The following AFF3 variants were observed in gnomAD, a reference collection of about 807,000 sequenced individuals.
AFF3 encodes ALF transcription elongation factor 3.
In AFF3, 32 loss-of-function variants were observed where a neutral mutation model predicts 129.7. The ratio of observed to expected loss-of-function variants is 0.25; its 90% CI spans 0.19 to 0.33. The LOEUF is 0.33. AFF3 is among the 10% of genes least tolerant of loss of function. AFF3 has a pLI of 1.00. For missense variants in AFF3, 1,373 were observed against 1,592.0 expected (o/e 0.86, Z 2.34); for synonymous variants, 644 against 635.4 (o/e 1.01, Z -0.20).
intron 7 of AFF3, among the ~76,000 whole-genome samples, chr2:99,992,664 G>C (rs956344211): frequency 8.5e-5 from 13 of 152,192 alleles, no homozygotes; most frequent in Non-Finnish European, 1.6e-4. Flanking sequence ...TAACTGAAAA[G>C]CAATTCCACA....
At chr2:100,021,047 T>G (rs1327339986) in intron 4 of AFF3, among the ~76,000 whole-genome samples, 1 of 152,184 alleles carries the variant, frequency 6.6e-6, no homozygotes, top group Non-Finnish European at 1.5e-5. Flanking sequence ...ACACCTCTGC[T>G]GTCCACCTGC....
At chr2:99,732,297 G>A (rs1209416577) in intron 10 of AFF3, among the ~76,000 whole-genome samples, 2 of 149,818 alleles carry the variant, frequency 1.3e-5, no homozygotes, top group Non-Finnish European at 3.0e-5. Context: ...GCAGTGAGCC[G>A]AGATTGTGCC....
chr2:99,997,716 G>A (rs1348043106), intron 7 of AFF3, among the ~76,000 whole-genome samples: 2 of 152,154 alleles, frequency 1.3e-5, no homozygotes, highest in Non-Finnish European at 2.9e-5. Context: ...CCCATCCCAT[G>A]TACACCACTG....
At chr2:99,688,765 C>T (rs1044330466) in intron 11 of AFF3, among the ~76,000 whole-genome samples, 21 of 152,118 alleles carry the variant, frequency 1.4e-4, no homozygotes, top group Admixed American at 1.3e-4. Flanking sequence ...AGTGCCACCC[C>T]CTCAGGCCAC....
chr2:99,800,583 A>G (rs1025964453), intron 8 of AFF3, among the ~76,000 whole-genome samples: 6 of 152,206 alleles, frequency 3.9e-5, no homozygotes, highest in African/African-American at 1.4e-4. Context: ...CAGAGAAGAG[A>G]AAGCACAAAG....
chr2:99,814,120 G>GA (rs559986523), intron 8 of AFF3, among the ~76,000 whole-genome samples: 1 of 152,140 alleles, frequency 6.6e-6, no homozygotes, highest in Non-Finnish European at 1.5e-5. Context: ...TTTCTTGGGG[G>GA]AAAGTTGCTG....
At chr2:100,008,130 C>A (rs943641562) in intron 5 of AFF3, among the ~76,000 whole-genome samples, 1 of 152,118 alleles carries the variant, frequency 6.6e-6, no homozygotes, top group Admixed American at 6.6e-5. Context: ...ATTGTAGTCC[C>A]GTTAGAAGCT....
chr2:99,822,594 ATCTC>A (rs1251986719), intron 8 of AFF3, among the ~76,000 whole-genome samples: 1 of 152,024 alleles, frequency 6.6e-6, no homozygotes, highest in Middle Eastern at 3.2e-3. Flanking sequence ...TTCTTAACAA[ATCTC>A]TCTTTGTGTT....
At chr2:99,856,211 G>C (rs894995727) in intron 7 of AFF3, among the ~76,000 whole-genome samples, 2 of 152,012 alleles carry the variant, frequency 1.3e-5, no homozygotes, top group Non-Finnish European at 1.5e-5. Flanking sequence ...TAATAATAAT[G>C]TATCAATATT....
rs1164483264 is a variant in AFF3, at chr2:100,037,479, T to G, written c.54-28547A>C. ...TTATATATAAATATATATTTATATT[T>G]TATATATTATTTATATATAAATATA... On this transcript the variant is annotated intron_variant, in intron 4 of 24. Coordinates refer to ENST00000672756, the MANE Select transcript of AFF3 (RefSeq NM_001386135.1). Among the ~76,000 whole-genome samples, 78 of 99,700 alleles carry G rather than the reference T, an allele frequency of 7.8e-4. 18 individuals carry two copies. The highest frequency in any genetic ancestry group is 3.1e-3 in the African/African-American group (77 of 25,146). The allele number at this position is 99,700 out of a possible 152,430, so 65.4% of individuals were successfully genotyped here. A position where few individuals can be genotyped will look rare whatever the true frequency, so the allele number is the denominator to read the frequency against.
intron 10 of AFF3, among the ~76,000 whole-genome samples, chr2:99,729,363 T>A (rs763129679): frequency 6.6e-6 from 1 of 152,178 alleles, no homozygotes; most frequent in Admixed American, 6.5e-5. Flanking sequence ...ACTTATGTTG[T>A]GGCAACAGGG....
At chr2:99,929,273 G>A (rs1696502662) in intron 7 of AFF3, among the ~76,000 whole-genome samples, 1 of 152,086 alleles carries the variant, frequency 6.6e-6, no homozygotes, top group South Asian at 2.1e-4. Flanking sequence ...GTTGTGGTGT[G>A]CCAAGACTGC....
At chr2:99,808,304 G>C (rs961630833) in intron 8 of AFF3, among the ~76,000 whole-genome samples, 12 of 152,160 alleles carry the variant, frequency 7.9e-5, no homozygotes, top group African/African-American at 2.9e-4. Flanking sequence ...CCATACTTTA[G>C]GAAAAGGTAT....
chr2:99,560,784 G>A (rs1559478077), intron 20 of AFF3, among the ~76,000 whole-genome samples: 1 of 152,174 alleles, frequency 6.6e-6, no homozygotes, highest in Non-Finnish European at 1.5e-5. Context: ...TCTGACAGAT[G>A]GAGGTGAAGT....
chr2:100,142,004 C>G (rs755827049), intron 1 of AFF3, among the ~76,000 whole-genome samples: 1 of 152,140 alleles, frequency 6.6e-6, no homozygotes, highest in Non-Finnish European at 1.5e-5. Flanking sequence ...GGTGGAACTG[C>G]CCATGATCTC....
At chr2:100,011,398 T>C (rs1682534715) in intron 4 of AFF3, 1 of 768,716 alleles carries the variant, frequency 1.3e-6, no homozygotes, top group African/African-American at 1.7e-5. Flanking sequence ...ACAAGACTGG[T>C]GTGATGCACG....
chr2:100,112,313 A>G (rs955924476), intron 2 of AFF3: 17 of 152,254 alleles, frequency 1.1e-4, no homozygotes, highest in African/African-American at 3.9e-4. Context: ...AAGAAGCTAG[A>G]GCTGGCCACA....
rs1337641182 is a variant in AFF3, at chr2:99,852,765, A to G, written c.874-15241T>C. 3.3e-5 allele frequency among the ~76,000 whole-genome samples: 5 copies of G among 152,370 alleles called. No individual in the cohort carries two copies. In the East Asian group the frequency reaches 9.6e-4, roughly 29 times the overall value. ...TGGTCTGATCATTACGATTCCTTTC[A>G]GCATGAAACTTCCCTCATATCACAA... On this transcript the variant is annotated intron_variant, in intron 7 of 24. Coordinates refer to ENST00000672756, the MANE Select transcript of AFF3 (RefSeq NM_001386135.1).
In AFF3 at chr2:99,879,409, C is replaced by T. The variant is rs562443222; in HGVS notation, c.874-41885G>A. On this transcript the variant is annotated intron_variant, in intron 7 of 24. Coordinates refer to ENST00000672756, the MANE Select transcript of AFF3 (RefSeq NM_001386135.1). ...ATCAACTTCCTAGTAGCTCCATAAA[C>T]GTGTATAACAACAATATTAATAATA... Among the ~76,000 whole-genome samples the T allele has an allele frequency of 7.2e-5, 11 of 152,212 alleles. No homozygotes were observed. In the East Asian group the frequency reaches 7.7e-4, roughly 11 times the overall value.
Sources: gnomAD v4.1 joint callset for allele counts (sites outside exome capture counted in the v4.1 genomes callset) on GRCh38, gnomAD v4.1.1 for gene constraint, MANE v1.5 for transcripts, NCBI Gene and HGNC (gene_info 2026-07-23, HGNC 2026-07-21) for gene names.